PPFIA2: variants seen among roughly 807,000 people sequenced by gnomAD.
PPFIA2 encodes liprin-alpha-2.
PPFIA2 carries 46 observed loss-of-function variants against 175.5 expected under a neutral mutation model. The observed-to-expected ratio is 0.26, with a 90% CI of 0.21 to 0.34. The LOEUF (loss-of-function observed/expected upper bound fraction) is 0.34, where lower values mean the gene tolerates loss of function less well. Among genes scored for constraint, PPFIA2 ranks in the 10% least tolerant of loss-of-function variants. PPFIA2 has a pLI of 1.00. For missense variants in PPFIA2, 1,179 were observed against 1,506.1 expected (o/e 0.78, Z 3.60); for synonymous variants, 568 against 511.4 (o/e 1.11, Z -1.49).
rs558198069 is a variant in PPFIA2, at chr12:81,360,646, A to G, written c.1637+2047T>C. On this transcript the variant is annotated intron_variant, in intron 15 of 32. Coordinates refer to ENST00000549396, the MANE Select transcript of PPFIA2 (RefSeq NM_003625.5). ...CCTCACCTCTCCACCTATTAGATCA[A>G]AACTTAGTAGACTGAGTTCTCATGC... Among the ~76,000 whole-genome samples, 18 of 151,850 alleles carry G rather than the reference A, an allele frequency of 1.2e-4. No homozygotes were observed. The South Asian group carries it at 3.7e-3, about 32-fold the overall frequency.
chr12:81,486,989 A>G (rs1188678514), intron 4 of PPFIA2, among the ~76,000 whole-genome samples: 1 of 151,984 alleles, frequency 6.6e-6, no homozygotes, highest in Non-Finnish European at 1.5e-5. Context: ...TTTTAAAAAT[A>G]CATTAATCCC....
rs142827105 is a variant in PPFIA2, at chr12:81,390,412, A to G, written c.763-6168T>C. Among the ~76,000 whole-genome samples, 255 of 152,098 alleles carry G rather than the reference A, an allele frequency of 1.7e-3. 2 individuals are homozygous for G. Among genetic ancestry groups the G allele is most frequent in the Non-Finnish European group, 2.8e-3 (187 of 67,940 alleles). ...CCTACCAGCAATGTATGAGAGTTCT[A>G]ATTTTCCACATCTTCACCAAAACTT... On this transcript the variant is annotated intron_variant, in intron 8 of 32. Coordinates refer to ENST00000549396, the MANE Select transcript of PPFIA2 (RefSeq NM_003625.5).
At chr12:81,664,598 A>G (rs1477406233) in intron 4 of PPFIA2, among the ~76,000 whole-genome samples, 12 of 152,180 alleles carry the variant, frequency 7.9e-5, no homozygotes, top group East Asian at 7.7e-4. Flanking sequence ...GGGACTGTAA[A>G]CTAGTTCAAC....
intron 4 of PPFIA2, among the ~76,000 whole-genome samples, chr12:81,588,407 T>C (rs1014785047): frequency 6.6e-6 from 1 of 151,884 alleles, no homozygotes; most frequent in Non-Finnish European, 1.5e-5. Flanking sequence ...CTACTCCCAA[T>C]CTCCTCATTC....
chr12:81,385,955 G>A (rs2038846546), intron 8 of PPFIA2, among the ~76,000 whole-genome samples: 4 of 151,840 alleles, frequency 2.6e-5, no homozygotes, highest in Admixed American at 2.0e-4. Flanking sequence ...TGTAACTCAC[G>A]AATATGTACA....
chr12:81,669,330 TAG>T (rs1180646265), intron 4 of PPFIA2, among the ~76,000 whole-genome samples: 1 of 152,042 alleles, frequency 6.6e-6, no homozygotes, highest in Non-Finnish European at 1.5e-5. Context: ...AGTATGCTGC[TAG>T]AGTTATCATT....
chr12:81,697,235 G>A (rs549014078), intron 3 of PPFIA2, among the ~76,000 whole-genome samples: 1 of 152,116 alleles, frequency 6.6e-6, no homozygotes, highest in South Asian at 2.1e-4. Flanking sequence ...CACTCCAAGT[G>A]ACATATTTCT....
intron 3 of PPFIA2, among the ~76,000 whole-genome samples, chr12:81,721,764 C>T (rs1235680972): frequency 6.6e-6 from 1 of 151,200 alleles, no homozygotes; most frequent in African/African-American, 2.4e-5. Context: ...AGCAGCCACA[C>T]ATTTTTTAGT....
intron 4 of PPFIA2, among the ~76,000 whole-genome samples, chr12:81,594,320 A>C (rs2059012253): frequency 1.3e-5 from 2 of 152,154 alleles, no homozygotes; most frequent in Non-Finnish European, 2.9e-5. Flanking sequence ...TCTTGTTTTC[A>C]GTAGGTATGA....
At chr12:81,270,357 C>T (rs1290320473) in intron 28 of PPFIA2, among the ~76,000 whole-genome samples, 1 of 151,942 alleles carries the variant, frequency 6.6e-6, no homozygotes, top group African/African-American at 2.4e-5. Flanking sequence ...GAATTGTGTT[C>T]CCCAAAATTC....
chr12:81,570,786 A>G (rs2072389289), intron 4 of PPFIA2, among the ~76,000 whole-genome samples: 1 of 150,976 alleles, frequency 6.6e-6, no homozygotes, highest in South Asian at 2.1e-4. Flanking sequence ...TCAAAATAGT[A>G]ACTGTAATGT....
rs1016428761 is a variant in PPFIA2 at position 81,688,600 on chromosome 12, TA to T, written c.250-11757del. On this transcript the variant is annotated intron_variant, in intron 3 of 32. Transcript: ENST00000549396. ...TAAATAGTAGCCTAAAATACTGGCT[TA>T]AAAAAAAAAAACTTGGAGATTAGCC... Among the ~76,000 whole-genome samples, 942 of 143,640 alleles carry T rather than the reference TA, an allele frequency of 6.6e-3. 8 individuals are homozygous for T. The highest frequency in any genetic ancestry group is 0.016 in the African/African-American group (638 of 39,614). 94.2% of individuals were successfully genotyped at this position (143,640 alleles called of 152,430 possible).
intron 4 of PPFIA2, among the ~76,000 whole-genome samples, chr12:81,513,601 T>A (rs1222677436): frequency 2.0e-5 from 3 of 151,992 alleles, no homozygotes; most frequent in Non-Finnish European, 4.4e-5. Flanking sequence ...GTACCTTTCA[T>A]CCTCTTTCCT....
chr12:81,545,324 T>C (rs2066819444), intron 4 of PPFIA2: 1 of 152,174 alleles, frequency 6.6e-6, no homozygotes. Flanking sequence ...TTTTCTACTT[T>C]ATCATCTTCT....
chr12:81,444,975 A>G (rs2145239801), intron 6 of PPFIA2, among the ~76,000 whole-genome samples: 1 of 152,258 alleles, frequency 6.6e-6, no homozygotes, highest in East Asian at 1.9e-4. Flanking sequence ...AGAGAAGCTT[A>G]CAGCTACTTT....
chr12:81,276,928 A>G (rs962012687), intron 28 of PPFIA2, among the ~76,000 whole-genome samples: 29 of 152,204 alleles, frequency 1.9e-4, no homozygotes, highest in Non-Finnish European at 4.1e-4. Flanking sequence ...ATAAAATTAA[A>G]ATGATATAAA....
chr12:81,274,314 G>T (rs918195993), intron 28 of PPFIA2, among the ~76,000 whole-genome samples: 65 of 151,956 alleles, frequency 4.3e-4, no homozygotes, highest in African/African-American at 5.3e-4. Flanking sequence ...GGAGTATTTG[G>T]TTTTTTTCTA....
intron 9 of PPFIA2, 98 bp downstream of exon 9, chr12:81,383,925 G>A: frequency 2.1e-6 from 2 of 938,762 alleles, no homozygotes; most frequent in Admixed American, 2.7e-5. Flanking sequence ...GGTCTTTTGA[G>A]AAGTAAAAAG....
intron 4 of PPFIA2, among the ~76,000 whole-genome samples, chr12:81,644,521 A>G (rs2065790840): frequency 6.6e-6 from 1 of 152,084 alleles, no homozygotes; most frequent in African/African-American, 2.4e-5. Context: ...ACTTGTATTG[A>G]GTCATAACAT....
Sources: gnomAD v4.1 joint callset for allele counts (sites outside exome capture counted in the v4.1 genomes callset) on GRCh38, gnomAD v4.1.1 for gene constraint, MANE v1.5 for transcripts, NCBI Gene and HGNC (gene_info 2026-07-23, HGNC 2026-07-21) for gene names.